ZC3H7A: variants seen among roughly 807,000 people sequenced by gnomAD.
The protein encoded by ZC3H7A is zinc finger CCCH domain-containing protein 7A.
A neutral mutation model predicts 125.5 loss-of-function variants in ZC3H7A; 44 were observed. That is an observed-to-expected ratio of 0.35 (90% CI 0.28 to 0.45). The LOEUF (loss-of-function observed/expected upper bound fraction) is 0.45. Ranked by LOEUF, ZC3H7A falls within the 20% of genes least tolerant of loss-of-function variation. ZC3H7A has a pLI of 1.00. For synonymous variants in ZC3H7A, 399 were observed against 391.2 expected (o/e 1.02, Z -0.23); for missense variants, 977 against 1,170.7 (o/e 0.83, Z 2.41).
intron 1 of ZC3H7A, among the ~76,000 whole-genome samples, chr16:11,792,847 C>G (rs766643991): frequency 7.9e-5 from 12 of 152,100 alleles, no homozygotes; most frequent in Non-Finnish European, 4.4e-5. Flanking sequence ...CTAGGGTGGC[C>G]CTGGGCTGGG....
Position 11,776,597 on chromosome 16 carries a change from A to C in ZC3H7A, c.466-65T>G, listed in dbSNP as rs1173628935. Reference sequence around the variant, plus strand: ...TACTAATGGTGAAGAAGAATAGACAAAACAGGGAAGTTTCCCATCAAGACA... The same window carrying C: ...TACTAATGGTGAAGAAGAATAGACACAACAGGGAAGTTTCCCATCAAGACA... On this transcript the variant is annotated intron_variant, in intron 5 of 22. Coordinates refer to ENST00000355758, the MANE Select transcript of ZC3H7A (RefSeq NM_014153.4). 5 of 1,520,446 alleles carry C rather than the reference A, an allele frequency of 3.3e-6. No homozygotes were observed. The African/African-American group carries it at 5.6e-5, about 17-fold the overall frequency. 94.2% of individuals were successfully genotyped at this position (1,520,446 alleles called of 1,614,324 possible). A position where few individuals can be genotyped will look rare whatever the true frequency, so the allele number is the denominator to read the frequency against.
Position 11,765,776 on chromosome 16 carries a change from G to C in ZC3H7A, c.1523-91C>G. The C allele has an allele frequency of 1.5e-6, 2 of 1,299,632 alleles. No homozygotes were observed. Among genetic ancestry groups the C allele is most frequent in the African/African-American group, 1.5e-5 (1 of 67,820 alleles). The allele number at this position is 1,299,632 out of a possible 1,614,324, so 80.5% of individuals were successfully genotyped here. ...GGAGGCTGAGGTGGGAGGATCCCTT[G>C]AGCCCAGGAGTTCAAGGCTGCGGTG... On this transcript the variant is annotated intron_variant, in intron 13 of 22. Transcript: ENST00000355758. The surrounding 1 kb of genome is among the most constrained non-coding windows in gnomAD (Gnocchi z 4.8).
intron 8 of ZC3H7A, among the ~76,000 whole-genome samples, 159 bp downstream of exon 8, chr16:11,774,821 G>A (rs1178489730): frequency 6.6e-6 from 1 of 152,142 alleles, no homozygotes; most frequent in Non-Finnish European, 1.5e-5. Flanking sequence ...CACATCCAAA[G>A]GCACAAAGGG....
At chr16:11,757,300 C>A (rs902026745) in intron 20 of ZC3H7A, among the ~76,000 whole-genome samples, 2 of 151,846 alleles carry the variant, frequency 1.3e-5, no homozygotes, top group South Asian at 4.2e-4. Flanking sequence ...CTGGCTAACA[C>A]GGTGAAACCC....
At position 11,758,522 on chromosome 16, in the gene ZC3H7A, A is replaced by G. The variant is rs768319057; in HGVS notation, c.2337T>C (p.Ala779=). The G allele has an allele frequency of 6.2e-7, 1 of 1,613,388 alleles. No individual in the cohort carries two copies. Among genetic ancestry groups the G allele is most frequent in the South Asian group, 1.1e-5 (1 of 91,062 alleles). The change falls in exon 20 of 23, where the codon GCT becomes GCC. Residue 779 remains alanine (A), a synonymous_variant. Coordinates refer to ENST00000355758, the MANE Select transcript of ZC3H7A (RefSeq NM_014153.4). ...CAACATATTGACATTTTTTCCCAGA[A>G]GCAATATGGTTGCACAGCTGTATAA... ...PLQFDLCNHI[A]SGKKCQYVGN...
chr16:11,776,167 A>T (rs2053076883), intron 7 of ZC3H7A, among the ~76,000 whole-genome samples, 153 bp downstream of exon 7: 1 of 152,222 alleles, frequency 6.6e-6, no homozygotes, highest in Non-Finnish European at 1.5e-5. Flanking sequence ...TCTCAAAAAA[A>T]TAAATAAAGT....
At position 11,758,544 on chromosome 16, in the gene ZC3H7A, A is replaced by G; in HGVS notation, c.2320-5T>C. The G allele has an allele frequency of 1.2e-6, 2 of 1,603,888 alleles. No homozygotes were observed. The highest frequency in any genetic ancestry group is 1.7e-6 in the Non-Finnish European group (2 of 1,171,998). ...AGAAGCAATATGGTTGCACAGCTGT[A>G]TAAAAAAATAGGAATATGATTAAGA... On this transcript the variant is annotated splice_region_variant and splice_polypyrimidine_tract_variant and intron_variant, in intron 19 of 22. Coordinates refer to ENST00000355758, the MANE Select transcript of ZC3H7A (RefSeq NM_014153.4).
At chr16:11,786,591 G>C (rs913081635) in intron 1 of ZC3H7A, among the ~76,000 whole-genome samples, 2 of 152,162 alleles carry the variant, frequency 1.3e-5, no homozygotes, top group Admixed American at 1.3e-4. Context: ...TGATTGAAAG[G>C]AAACGGAAAA....
intron 19 of ZC3H7A, chr16:11,759,346 A>T (rs2052703505): frequency 6.6e-6 from 1 of 152,206 alleles, no homozygotes; most frequent in Non-Finnish European, 1.5e-5. Context: ...AGCTGGCCCT[A>T]CATTATTTAG....
intron 1 of ZC3H7A, among the ~76,000 whole-genome samples, chr16:11,783,883 T>A (rs887515975): frequency 2.6e-5 from 4 of 152,286 alleles, no homozygotes; most frequent in Middle Eastern, 6.8e-3. Context: ...CAGTTCTCAA[T>A]ATTTTTGTCC....
chr16:11,777,582 C>T (rs1214203204), intron 4 of ZC3H7A, among the ~76,000 whole-genome samples: 1 of 151,594 alleles, frequency 6.6e-6, no homozygotes, highest in East Asian at 1.9e-4. Context: ...ATTAGCCAGG[C>T]GTGGTGGCGG....
rs899096146 is a variant in ZC3H7A, at chr16:11,766,509, T to C, written c.1523-824A>G. Among the ~76,000 whole-genome samples the C allele has an allele frequency of 2.0e-5, 3 of 152,250 alleles. No individual in the cohort carries two copies. In the East Asian group the frequency reaches 5.8e-4, roughly 29 times the overall value. On this transcript the variant is annotated intron_variant, in intron 13 of 22. Transcript: ENST00000355758. ...TGAACCTGGGAAGCAGAGGTTGCAG[T>C]GAGCCGAGATTGTGCCTGTGCACCC...
At position 11,765,555 on chromosome 16, in the gene ZC3H7A, T is replaced by C; in HGVS notation, c.1653A>G (p.Gly551=). 6.2e-7 allele frequency: 1 copy of C among 1,614,188 alleles called. No individual in the cohort carries two copies. Among genetic ancestry groups the C allele is most frequent in the Non-Finnish European group, 8.5e-7 (1 of 1,180,028 alleles). Residue 551 remains glycine (G), a synonymous_variant, in exon 14 of 23, where the codon GGA becomes GGG. Coordinates refer to ENST00000355758, the MANE Select transcript of ZC3H7A (RefSeq NM_014153.4). The surrounding 1 kb of genome is among the most constrained non-coding windows in gnomAD (Gnocchi z 4.8). The part of the protein sequence containing the change: ...FSREAFFGGN[G]KINLTVFKLL... ...GTTTGAACACAGTAAGGTTAATCTT[T>C]CCATTGCCGCCAAAGAAAGCCTCCC...
Position 11,761,398 on chromosome 16 carries a change from G to A in ZC3H7A, c.2319+8C>T, listed in dbSNP as rs950090624. The A allele has an allele frequency of 5.6e-6, 9 of 1,611,094 alleles. No individual in the cohort carries two copies. The highest frequency in any genetic ancestry group is 2.2e-5 in the East Asian group (1 of 44,842). ...TTAAAAAAAGTGGCTTAAAAATTAC[G>A]TATGTACATCAAACTGTAAAGGCAT... On this transcript the variant is annotated splice_region_variant and intron_variant, in intron 19 of 22. Transcript: ENST00000355758.
chr16:11,756,815 A>T (rs547132952), intron 20 of ZC3H7A, among the ~76,000 whole-genome samples: 2 of 152,298 alleles, frequency 1.3e-5, no homozygotes, highest in Non-Finnish European at 2.9e-5. Context: ...GATGAGAAAC[A>T]TACTACTACT....
chr16:11,775,111 G>A (rs543782171), intron 7 of ZC3H7A, 98 bp from the exon 8 acceptor site: 28 of 1,327,546 alleles, frequency 2.1e-5, no homozygotes, highest in African/African-American at 2.9e-5. Context: ...AGTGGCTCAC[G>A]CCTGTAATCC....
At chr16:11,783,932 A>G (rs2141212244) in intron 1 of ZC3H7A, among the ~76,000 whole-genome samples, 1 of 152,004 alleles carries the variant, frequency 6.6e-6, no homozygotes, top group African/African-American at 2.4e-5. Context: ...TACATGGGAA[A>G]GGATATGACA....
intron 1 of ZC3H7A, among the ~76,000 whole-genome samples, chr16:11,784,189 G>T (rs2053218477): frequency 2.0e-5 from 3 of 152,076 alleles, no homozygotes; most frequent in African/African-American, 7.2e-5. Context: ...CAAAAGGGGG[G>T]TAGCTGGGTG....
Position 11,763,679 on chromosome 16 carries a change from A to C in ZC3H7A, c.1821-20T>G. 1 of 1,431,818 alleles carries C rather than the reference A, an allele frequency of 7.0e-7. No homozygotes were observed. Among genetic ancestry groups the C allele is most frequent in the South Asian group, 1.5e-5 (1 of 68,430 alleles). 88.7% of individuals were successfully genotyped at this position (1,431,818 alleles called of 1,614,324 possible). A position where few individuals can be genotyped will look rare whatever the true frequency, so the allele number is the denominator to read the frequency against. The stretch of plus-strand genomic sequence containing the variant: ...AGGCACCTAAGATGAAAACAGTGAC[A>C]TTTTAATATTGTTCTGCCATAGATT... On this transcript the variant is annotated intron_variant, in intron 15 of 22. Coordinates refer to ENST00000355758, the MANE Select transcript of ZC3H7A (RefSeq NM_014153.4).
Sources: allele counts gnomAD v4.1 joint callset (sites outside exome capture counted in the v4.1 genomes callset), GRCh38; gene constraint gnomAD v4.1.1; non-coding constraint Gnocchi (gnomAD v3.1); transcripts MANE v1.5; gene names NCBI Gene and HGNC (gene_info 2026-07-23, HGNC 2026-07-21).